NRG1: variants seen among roughly 807,000 people sequenced by gnomAD.
The protein encoded by NRG1 is neuregulin 1, also known as pro-neuregulin-1, membrane-bound isoform.
A neutral mutation model predicts 63.8 loss-of-function variants in NRG1; 18 were observed. That is an observed-to-expected ratio of 0.28 (90% CI 0.19 to 0.42). The LOEUF is 0.42. Ranked by LOEUF, NRG1 falls within the 10% of genes least tolerant of loss-of-function variation. The probability of loss-of-function intolerance (pLI) is 1.00; values close to 1 mark genes in which losing one functional copy is unlikely to be tolerated. For synonymous variants in NRG1, 302 were observed against 301.3 expected (o/e 1.00, Z -0.02); for missense variants, 762 against 814.7 (o/e 0.94, Z 0.79).
chr8:31,919,548 G>C (rs1833721831), intron 1 of NRG1, among the ~76,000 whole-genome samples: 1 of 151,998 alleles, frequency 6.6e-6, no homozygotes, highest in Non-Finnish European at 1.5e-5. Context: ...GTTTCAAATA[G>C]ATTTTAAGGA....
intron 1 of NRG1, among the ~76,000 whole-genome samples, chr8:32,326,384 T>A (rs891368878): frequency 6.1e-5 from 9 of 147,974 alleles, no homozygotes; most frequent in African/African-American, 2.3e-4. Flanking sequence ...CAATCAAAGC[T>A]CACTGCATCT....
intron 1 of NRG1, among the ~76,000 whole-genome samples, chr8:32,123,697 AT>A (rs1439010520): frequency 1.3e-5 from 2 of 150,620 alleles, no homozygotes; most frequent in Non-Finnish European, 3.0e-5. Context: ...TAAAAATTAT[AT>A]TTTTAAGTTA....
chr8:31,690,128 C>T (rs1250036372), intron 1 of NRG1, among the ~76,000 whole-genome samples: 3 of 152,174 alleles, frequency 2.0e-5, no homozygotes, highest in Non-Finnish European at 4.4e-5. Flanking sequence ...TCCTTTTACT[C>T]CACACTTCTC....
At chr8:32,109,892 T>C (rs1325752041) in intron 1 of NRG1, among the ~76,000 whole-genome samples, 1 of 152,196 alleles carries the variant, frequency 6.6e-6, no homozygotes, top group Non-Finnish European at 1.5e-5. Context: ...GCTAGAAAGC[T>C]CTGGGCTCCT....
downstream of NRG1, among the ~76,000 whole-genome samples, chr8:32,772,513 A>G (rs1302286651): frequency 6.6e-6 from 1 of 152,092 alleles, no homozygotes; most frequent in Admixed American, 6.5e-5. Flanking sequence ...TATTATTTTT[A>G]TATTAAAGAA....
chr8:32,124,578 G>A (rs973726593), intron 1 of NRG1, among the ~76,000 whole-genome samples: 2 of 151,846 alleles, frequency 1.3e-5, no homozygotes, highest in African/African-American at 4.8e-5. Context: ...AGGTATATTG[G>A]AGTACTACTT....
chr8:32,527,207 C>A (rs1830940479), intron 1 of NRG1, among the ~76,000 whole-genome samples: 1 of 152,136 alleles, frequency 6.6e-6, no homozygotes, highest in South Asian at 2.1e-4. Context: ...TATTGCAGCA[C>A]TACTCACAAA....
intron 1 of NRG1, among the ~76,000 whole-genome samples, chr8:31,974,405 A>G (rs1807819736): frequency 6.6e-6 from 1 of 152,176 alleles, no homozygotes; most frequent in African/African-American, 2.4e-5. Flanking sequence ...CCTGGCCTCA[A>G]GTGATCCTCC....
chr8:32,576,448 A>G (rs1202168534), intron 1 of NRG1, among the ~76,000 whole-genome samples: 1 of 152,066 alleles, frequency 6.6e-6, no homozygotes. Context: ...TTGAACCATA[A>G]TTTTCATTTG....
At chr8:32,339,845 T>C (rs747832362) in intron 1 of NRG1, among the ~76,000 whole-genome samples, 13 of 152,190 alleles carry the variant, frequency 8.5e-5, no homozygotes, top group Non-Finnish European at 1.9e-4. Context: ...TTGTAAGCCT[T>C]GAAATGCTAA....
intron 5 of NRG1, among the ~76,000 whole-genome samples, chr8:32,677,593 G>A (rs1807471173): frequency 6.6e-6 from 1 of 152,024 alleles, no homozygotes; most frequent in East Asian, 1.9e-4. Context: ...GGGAGACGAG[G>A]TTGCACTGAG....
chr8:32,572,827 G>A (rs1332058483), intron 1 of NRG1, among the ~76,000 whole-genome samples: 1 of 152,042 alleles, frequency 6.6e-6, no homozygotes, highest in Non-Finnish European at 1.5e-5. Flanking sequence ...GGGTGAATCT[G>A]TCATCTCATT....
intron 1 of NRG1, among the ~76,000 whole-genome samples, chr8:32,568,756 G>A (rs559225779): frequency 7.3e-4 from 111 of 152,320 alleles, no homozygotes; most frequent in Middle Eastern, 3.4e-3. Flanking sequence ...GCATGCCTGA[G>A]TAAGTCAAAA....
At chr8:32,413,140 T>G (rs527986850) in intron 1 of NRG1, among the ~76,000 whole-genome samples, 1 of 152,208 alleles carries the variant, frequency 6.6e-6, no homozygotes, top group Non-Finnish European at 1.5e-5. Context: ...GAATTTACCC[T>G]AAGTAATAAT....
chr8:31,727,958 A>G (rs1813616658), intron 1 of NRG1, among the ~76,000 whole-genome samples: 2 of 152,182 alleles, frequency 1.3e-5, no homozygotes, highest in Non-Finnish European at 2.9e-5. Context: ...CATCTCCTAG[A>G]CAGGATCTAC....
Position 31,965,905 on chromosome 8 carries a change from G to A in NRG1, c.37+326474G>A, listed in dbSNP as rs1162534418. On this transcript the variant is annotated intron_variant, in intron 1 of 10. Transcript: ENST00000519301. ...CTCATGTATTCATTTATAAGTGGGAGCTAAACAATGAGCACATATGCACAT... is the reference window on the plus strand; with the variant it reads ...CTCATGTATTCATTTATAAGTGGGAACTAAACAATGAGCACATATGCACAT... 2.6e-5 allele frequency among the ~76,000 whole-genome samples: 4 copies of A among 152,134 alleles called. No individual in the cohort carries two copies. The East Asian group carries it at 5.8e-4, about 22-fold the overall frequency.
intron 1 of NRG1, among the ~76,000 whole-genome samples, chr8:32,010,661 TC>T (rs978965386): frequency 1.3e-5 from 2 of 152,128 alleles, no homozygotes; most frequent in African/African-American, 4.8e-5. Context: ...GTTATCTTCT[TC>T]ATTTTAATTA....
intron 1 of NRG1, among the ~76,000 whole-genome samples, chr8:32,409,215 A>G (rs1215620651): frequency 6.6e-6 from 1 of 152,120 alleles, no homozygotes; most frequent in Non-Finnish European, 1.5e-5. Context: ...GAACAATGAA[A>G]CTCGTTCCCC....
intron 1 of NRG1, among the ~76,000 whole-genome samples, chr8:31,685,877 T>C (rs748528856): frequency 5.3e-5 from 8 of 152,176 alleles, no homozygotes; most frequent in Non-Finnish European, 1.2e-4. Flanking sequence ...TGATATATCA[T>C]GTTGGTCTAT....
Sources: allele counts gnomAD v4.1 joint callset (sites outside exome capture counted in the v4.1 genomes callset), GRCh38; gene constraint gnomAD v4.1.1; transcripts MANE v1.5; gene names NCBI Gene and HGNC (gene_info 2026-07-23, HGNC 2026-07-21).